Variants in AGAP1 observed in about 807,000 individuals in gnomAD.
The protein encoded by AGAP1 is ArfGAP with GTPase domain, ankyrin repeat and PH domain 1.
Under a neutral mutation model 105.3 loss-of-function variants are expected in AGAP1, and 29 were observed. That is an observed-to-expected ratio of 0.28 (90% CI 0.21 to 0.38). AGAP1 has a LOEUF of 0.38. Ranked by LOEUF, AGAP1 falls within the 10% of genes least tolerant of loss-of-function variation. AGAP1 has a pLI of 1.00. For synonymous variants in AGAP1, 509 were observed against 485.9 expected (o/e 1.05, Z -0.63); for missense variants, 998 against 1,165.1 (o/e 0.86, Z 2.09).
rs1207094777 is a variant in AGAP1 at position 235,900,273 on chromosome 2, T to C, written c.1156-8465T>C. Among the ~76,000 whole-genome samples, 2 of 152,248 alleles carry C rather than the reference T, an allele frequency of 1.3e-5. No individual in the cohort carries two copies. The highest frequency in any genetic ancestry group is 4.8e-5 in the African/African-American group (2 of 41,468). ...TAGTAGACTGATTTCATCTTGATAG[T>C]CTGGGTCAGTCACTCCAGCCAACAC... is the stretch of plus-strand genomic sequence containing the variant. On this transcript the variant is annotated intron_variant, in intron 10 of 17. Transcript: ENST00000304032. The surrounding 1 kb of genome is among the most constrained non-coding windows in gnomAD (Gnocchi z 5.5).
intron 1 of AGAP1, among the ~76,000 whole-genome samples, chr2:235,541,480 C>T (rs925389889): frequency 2.7e-5 from 4 of 149,180 alleles, no homozygotes; most frequent in South Asian, 2.1e-4. Context: ...CTCCACCTCC[C>T]GGGTTCACAC....
At chr2:235,831,253 G>A in intron 9 of AGAP1, among the ~76,000 whole-genome samples, 1 of 137,290 alleles carries the variant, frequency 7.3e-6, no homozygotes, top group Non-Finnish European at 1.5e-5. Flanking sequence ...AAGTTGAGCA[G>A]AAGGACACCC....
At chr2:236,070,083 T>A (rs954546229) in intron 16 of AGAP1, among the ~76,000 whole-genome samples, 1 of 152,250 alleles carries the variant, frequency 6.6e-6, no homozygotes, top group Non-Finnish European at 1.5e-5. Context: ...TGGCGCTGTA[T>A]GAGAGCATTC....
intron 9 of AGAP1, among the ~76,000 whole-genome samples, chr2:235,871,709 A>G (rs1052121852): frequency 2.0e-5 from 3 of 152,210 alleles, no homozygotes; most frequent in African/African-American, 7.2e-5. Flanking sequence ...GTTTCTTATA[A>G]CACTGTGGCT....
Position 236,049,267 on chromosome 2 carries a change from G to A in AGAP1, c.2100G>A (p.Ser700=), listed in dbSNP as rs376728324. ...EESSQGRTKP[S]VDSTREEKER... is the part of the protein sequence containing the mutation. ...GCAGCCAGGGGCGGACGAAACCATC[G>A]GTAGACTCCACAAGGTAGGAACTTT... The change falls in exon 16 of 18, where the codon TCG becomes TCA. Residue 700 remains serine (S), a synonymous_variant. Transcript: ENST00000304032. The A allele has an allele frequency of 1.3e-5, 21 of 1,613,942 alleles. No individual in the cohort carries two copies. The highest frequency in any genetic ancestry group is 6.6e-5 in the South Asian group (6 of 91,066).
In AGAP1 at chr2:235,611,576, G is replaced by A. The variant is rs148690842; in HGVS notation, c.164-97603G>A. On this transcript the variant is annotated intron_variant, in intron 1 of 17. Coordinates refer to ENST00000304032, the MANE Select transcript of AGAP1 (RefSeq NM_001037131.3). The surrounding 1 kb of genome is among the most constrained non-coding windows in gnomAD (Gnocchi z 5.0). The stretch of plus-strand genomic sequence containing the variant: ...GTGCCCAGGCCTGCAGATTACAGAC[G>A]CTGTGTAATTAGAGAATCCCTCTCC... Among the ~76,000 whole-genome samples the A allele has an allele frequency of 4.7e-3, 711 of 152,210 alleles. 6 individuals are homozygous for A. The highest frequency in any genetic ancestry group is 0.017 in the African/African-American group (693 of 41,540).
At chr2:235,809,245 A>G (rs894513598) in intron 9 of AGAP1, among the ~76,000 whole-genome samples, 4 of 152,092 alleles carry the variant, frequency 2.6e-5, no homozygotes, top group Non-Finnish European at 4.4e-5. Context: ...TAGCTTTTCA[A>G]TATGTGTGCA....
At chr2:235,913,256 G>A in intron 11 of AGAP1, among the ~76,000 whole-genome samples, 1 of 151,960 alleles carries the variant, frequency 6.6e-6, no homozygotes, top group Middle Eastern at 3.4e-3. Context: ...AAAAATATAT[G>A]TATGTGTTTA....
intron 13 of AGAP1, among the ~76,000 whole-genome samples, chr2:236,030,732 G>T (rs2057197615): frequency 6.6e-6 from 1 of 152,178 alleles, no homozygotes; most frequent in Non-Finnish European, 1.5e-5. Context: ...GGGAAGCCAG[G>T]CCCCAGGAAC....
chr2:236,094,923 CAAAAAAAAAAAAAAA>C (rs59126473), intron 16 of AGAP1, among the ~76,000 whole-genome samples: 1 of 37,770 alleles, frequency 2.6e-5, no homozygotes, highest in Admixed American at 2.5e-4. Flanking sequence ...CCCATCTCTA[CAAAAAAAAAAAAAAA>C]AAAAAAAAAA....
Position 235,843,745 on chromosome 2 carries a change from C to T in AGAP1, c.1050+36414C>T, listed in dbSNP as rs558915238. ...TCATCAGCCTAGCTCCCGGCAGGAC[C>T]TCCCCACTGGACTTTTCCAAGATGT... On this transcript the variant is annotated intron_variant, in intron 9 of 17. Transcript: ENST00000304032. This position sits in a 1 kb window ranked among gnomAD's most constrained non-coding sequence, Gnocchi z 5.9. Among the ~76,000 whole-genome samples, 1 of 152,338 alleles carries T rather than the reference C, an allele frequency of 6.6e-6. No homozygotes were observed. The highest frequency in any genetic ancestry group is 2.1e-4 in the South Asian group (1 of 4,824).
In AGAP1 at chr2:235,664,776, A is replaced by T. The variant is rs991558673; in HGVS notation, c.164-44403A>T. 2.6e-5 allele frequency among the ~76,000 whole-genome samples: 4 copies of T among 152,146 alleles called. No homozygotes were observed. The highest frequency in any genetic ancestry group is 9.7e-5 in the African/African-American group (4 of 41,442). On this transcript the variant is annotated intron_variant, in intron 1 of 17. Coordinates refer to ENST00000304032, the MANE Select transcript of AGAP1 (RefSeq NM_001037131.3). This position sits in a 1 kb window ranked among gnomAD's most constrained non-coding sequence, Gnocchi z 5.7. ...CCCGTGTTCCTCATGCATGGGTAGA[A>T]CTAAAGCCTCTTCTTCTGTAATGTG...
At chr2:235,835,222 A>T (rs114670669) in intron 9 of AGAP1, among the ~76,000 whole-genome samples, 1 of 152,296 alleles carries the variant, frequency 6.6e-6, no homozygotes, top group African/African-American at 2.4e-5. Context: ...CTTCAGTTGC[A>T]ATCTTCAGTG....
chr2:235,802,958 G>A (rs1227602001), intron 8 of AGAP1, among the ~76,000 whole-genome samples: 3 of 151,446 alleles, frequency 2.0e-5, no homozygotes, highest in Non-Finnish European at 4.4e-5. Context: ...TGGTGATGAT[G>A]GTTGTGATGA....
chr2:235,816,233 C>T (rs1269521330), intron 9 of AGAP1, among the ~76,000 whole-genome samples: 5 of 151,332 alleles, frequency 3.3e-5, no homozygotes, highest in African/African-American at 1.2e-4. Context: ...GTCAGGAGAT[C>T]GAGACCATCC....
chr2:235,749,905 C>G (rs1037267840), intron 5 of AGAP1, among the ~76,000 whole-genome samples: 10 of 152,212 alleles, frequency 6.6e-5, no homozygotes, highest in Non-Finnish European at 1.5e-4. Context: ...CAGAAACAAA[C>G]CCCAAATGGG....
intron 1 of AGAP1, among the ~76,000 whole-genome samples, chr2:235,593,032 G>C (rs1210518666): frequency 1.3e-5 from 2 of 152,234 alleles, no homozygotes; most frequent in Non-Finnish European, 2.9e-5. Flanking sequence ...ACCCTGACCT[G>C]CTGAAGGCCC....
In AGAP1 at chr2:236,124,287, G is replaced by A; in HGVS notation, c.*165G>A. On this transcript the variant is annotated 3_prime_UTR_variant, in exon 18 of 18. Coordinates refer to ENST00000304032, the MANE Select transcript of AGAP1 (RefSeq NM_001037131.3). The surrounding 1 kb of genome is among the most constrained non-coding windows in gnomAD (Gnocchi z 5.1). ...CACCCCAAACAAAATCACAAAACCT[G>A]GACATCCCTCAAGGGGCGAAGAGGC... 1 of 772,136 alleles carries A rather than the reference G, an allele frequency of 1.3e-6. No homozygotes were observed. Among genetic ancestry groups the A allele is most frequent in the Non-Finnish European group, 2.0e-6 (1 of 509,820 alleles). 47.8% of individuals were successfully genotyped at this position (772,136 alleles called of 1,614,324 possible).
chr2:235,658,739 G>A (rs1043887560), intron 1 of AGAP1, among the ~76,000 whole-genome samples: 10 of 152,124 alleles, frequency 6.6e-5, no homozygotes, highest in Non-Finnish European at 1.5e-4. Context: ...GGTGAGGGTG[G>A]GATTTGGGAG....
Sources: allele counts gnomAD v4.1 joint callset (sites outside exome capture counted in the v4.1 genomes callset), GRCh38; gene constraint gnomAD v4.1.1; non-coding constraint Gnocchi (gnomAD v3.1); transcripts MANE v1.5; gene names NCBI Gene and HGNC (gene_info 2026-07-23, HGNC 2026-07-21).